Variants in SNTG1 observed in about 807,000 individuals in gnomAD.
The protein encoded by SNTG1 is syntrophin gamma 1.
Under a neutral mutation model 74.7 loss-of-function variants are expected in SNTG1, and 39 were observed. That is an observed-to-expected ratio of 0.52 (90% confidence interval 0.40 to 0.68). The LOEUF (loss-of-function observed/expected upper bound fraction) is 0.68, where lower values mean the gene tolerates loss of function less well. SNTG1 is among the 30% of genes least tolerant of loss of function. The pLI, the probability that SNTG1 is intolerant of heterozygous loss-of-function variation, is 0.00. For missense variants in SNTG1, 685 were observed against 609.5 expected, an observed-to-expected ratio of 1.12 and a Z score of -1.30; for synonymous variants, 254 against 217.1, an observed-to-expected ratio of 1.17 and a Z score of -1.49.
At chr8:50,074,603 A>G (rs534209677) in intron 1 of SNTG1, among the ~76,000 whole-genome samples, 1 of 152,342 alleles carries the variant, frequency 6.6e-6, no homozygotes, top group African/African-American at 2.4e-5. Context: ...AATAATTATT[A>G]TAGTAACATT....
At chr8:50,540,517 C>T (rs1209922073) in intron 11 of SNTG1, among the ~76,000 whole-genome samples, 1 of 151,968 alleles carries the variant, frequency 6.6e-6, no homozygotes, top group Admixed American at 6.6e-5. Context: ...CATATGTGTT[C>T]GTTAGAGGCT....
intron 17 of SNTG1, among the ~76,000 whole-genome samples, chr8:50,742,837 G>T (rs1037968252): frequency 5.3e-5 from 8 of 151,768 alleles, no homozygotes; most frequent in Admixed American, 6.6e-5. Flanking sequence ...GAAAAAAAGA[G>T]AAGAGACATT....
intron 5 of SNTG1, among the ~76,000 whole-genome samples, chr8:50,443,983 A>T (rs887838444): frequency 2.0e-5 from 3 of 152,062 alleles, no homozygotes. Context: ...AAAATAAAAA[A>T]AAAAATTATC....
chr8:50,320,504 A>G (rs893123317), intron 2 of SNTG1, among the ~76,000 whole-genome samples: 3 of 149,242 alleles, frequency 2.0e-5, no homozygotes, highest in African/African-American at 7.3e-5. Context: ...CTTCATTTCA[A>G]TTTCATTTAA....
At chr8:50,425,849 T>C (rs1255350813) in intron 4 of SNTG1, among the ~76,000 whole-genome samples, 1 of 152,170 alleles carries the variant, frequency 6.6e-6, no homozygotes, top group Non-Finnish European at 1.5e-5. Flanking sequence ...AATGAGGTGC[T>C]GAAATAAGCT....
chr8:50,283,763 T>G (rs2088607677), intron 2 of SNTG1, among the ~76,000 whole-genome samples: 1 of 152,118 alleles, frequency 6.6e-6, no homozygotes, highest in African/African-American at 2.4e-5. Flanking sequence ...AAAGTTGTGG[T>G]TTTCTTGATG....
intron 1 of SNTG1, among the ~76,000 whole-genome samples, chr8:50,143,792 G>C (rs1285324882): frequency 6.6e-6 from 1 of 152,132 alleles, no homozygotes; most frequent in Non-Finnish European, 1.5e-5. Flanking sequence ...AAAATGCCTT[G>C]TATTTAGTTG....
intron 1 of SNTG1, among the ~76,000 whole-genome samples, chr8:49,934,422 G>A (rs1311627301): frequency 6.6e-6 from 1 of 151,886 alleles, no homozygotes; most frequent in South Asian, 2.1e-4. Context: ...AAATATAATA[G>A]AATGGTATTT....
chr8:50,763,641 G>C (rs989322972), intron 18 of SNTG1, among the ~76,000 whole-genome samples: 44 of 128,608 alleles, frequency 3.4e-4, no homozygotes, highest in Middle Eastern at 8.4e-3. Context: ...GCTCAAGATT[G>C]CCTTTATTGT....
intron 1 of SNTG1, among the ~76,000 whole-genome samples, chr8:50,067,253 CTTTT>C (rs541740641): frequency 6.6e-6 from 1 of 151,128 alleles, no homozygotes; most frequent in Non-Finnish European, 1.5e-5. Flanking sequence ...ACATATGTGG[CTTTT>C]TTTTTACCAG....
chr8:50,134,714 A>T (rs929269355), intron 1 of SNTG1, among the ~76,000 whole-genome samples: 21 of 152,190 alleles, frequency 1.4e-4, no homozygotes, highest in Admixed American at 7.2e-4. Context: ...TAGGAGAAAA[A>T]ATAGTTGAGC....
intron 17 of SNTG1, among the ~76,000 whole-genome samples, chr8:50,734,833 ATATCTATATATAT>A (rs2095522819): frequency 3.4e-4 from 20 of 59,408 alleles, no homozygotes; most frequent in African/African-American, 5.5e-4. Context: ...GGACATATAT[ATATCTATATATAT>A]GGACATATAT....
chr8:50,004,709 A>G (rs1056840064), intron 1 of SNTG1, among the ~76,000 whole-genome samples: 2 of 152,212 alleles, frequency 1.3e-5, no homozygotes, highest in Admixed American at 6.5e-5. Context: ...AGATTTCTGG[A>G]GCCTTTAGAG....
At chr8:50,272,003 A>G (rs1393069841) in intron 2 of SNTG1, among the ~76,000 whole-genome samples, 1 of 152,090 alleles carries the variant, frequency 6.6e-6, no homozygotes, top group African/African-American at 2.4e-5. Flanking sequence ...GCTAGAAGGT[A>G]TCATCTATGA....
At chr8:50,677,560 C>T (rs148809746) in intron 15 of SNTG1, among the ~76,000 whole-genome samples, 86 of 152,048 alleles carry the variant, frequency 5.7e-4, no homozygotes, top group African/African-American at 1.9e-3. Context: ...TTTTCCATAA[C>T]CTTTCTAGAC....
At chr8:49,937,136 T>G (rs1808159118) in intron 1 of SNTG1, among the ~76,000 whole-genome samples, 1 of 152,042 alleles carries the variant, frequency 6.6e-6, no homozygotes, top group Non-Finnish European at 1.5e-5. Flanking sequence ...GGGACAGAGC[T>G]AGACTCCGTC....
rs538627335 is a variant in SNTG1 at position 50,650,717 on chromosome 8, T to A, written c.850-6192T>A. 3.1e-3 allele frequency among the ~76,000 whole-genome samples: 473 copies of A among 152,204 alleles called. 3 individuals carry two copies. Among genetic ancestry groups the A allele is most frequent in the African/African-American group, 0.011 (447 of 41,468 alleles). On this transcript the variant is annotated intron_variant, in intron 13 of 18. Coordinates refer to ENST00000642720, the MANE Select transcript of SNTG1 (RefSeq NM_018967.5). Reference sequence around the variant, plus strand: ...ATTTCATTTATTTATTTATTTATTTTTTGAGACAGAGTCTCACTCTGTTGC... The same window carrying A: ...ATTTCATTTATTTATTTATTTATTTATTGAGACAGAGTCTCACTCTGTTGC...
At chr8:50,161,377 G>A (rs2082410626) in intron 1 of SNTG1, among the ~76,000 whole-genome samples, 1 of 152,200 alleles carries the variant, frequency 6.6e-6, no homozygotes, top group African/African-American at 2.4e-5. Flanking sequence ...AGTAGAACTT[G>A]ACCCATTGAT....
Position 50,338,093 on chromosome 8 carries a change from G to A in SNTG1, c.-27-56119G>A, listed in dbSNP as rs544142614. Among the ~76,000 whole-genome samples, 512 of 29,558 alleles carry A rather than the reference G, an allele frequency of 0.017. 14 individuals are homozygous for A. The East Asian group carries it at 0.51, about 30-fold the overall frequency. 19.4% of individuals were successfully genotyped at this position (29,558 alleles called of 152,430 possible). A position where few individuals can be genotyped will look rare whatever the true frequency, so the allele number is the denominator to read the frequency against. On this transcript the variant is annotated intron_variant, in intron 2 of 18. Transcript: ENST00000642720. ...GGAGCTTGCAGTGAGCCGAGATTGC[G>A]CCTGCACTCCAGACTGGGCGACAGA...
Sources: gnomAD v4.1 joint callset for allele counts (sites outside exome capture counted in the v4.1 genomes callset) on GRCh38, gnomAD v4.1.1 for gene constraint, MANE v1.5 for transcripts, NCBI Gene and HGNC (gene_info 2026-07-23, HGNC 2026-07-21) for gene names.